CLIC6: variants seen among roughly 807,000 people sequenced by gnomAD.
The protein encoded by CLIC6 is CLIC family member 6.
In CLIC6, 39 loss-of-function variants were observed where a neutral mutation model predicts 49.2. The observed-to-expected ratio is 0.79, with a 90% CI of 0.61 to 1.04. The LOEUF (loss-of-function observed/expected upper bound fraction) is 1.04, where lower values mean the gene tolerates loss of function less well. CLIC6 is among the 50% of genes least tolerant of loss of function. The pLI, the probability that CLIC6 is intolerant of heterozygous loss-of-function variation, is 0.00. For missense variants in CLIC6, 988 were observed against 993.1 expected, an observed-to-expected ratio of 0.99 and a Z score of 0.07; for synonymous variants, 446 against 433.4, an observed-to-expected ratio of 1.03 and a Z score of -0.36.
intron 1 of CLIC6, among the ~76,000 whole-genome samples, chr21:34,688,707 A>G (rs914144494): frequency 9.2e-5 from 14 of 152,168 alleles, no homozygotes; most frequent in African/African-American, 3.1e-4. Flanking sequence ...GTGCAGGGAG[A>G]CAGCTGAGCG....
At chr21:34,685,320 T>C (rs1314812538) in intron 1 of CLIC6, among the ~76,000 whole-genome samples, 1 of 152,150 alleles carries the variant, frequency 6.6e-6, no homozygotes, top group Non-Finnish European at 1.5e-5. Context: ...TCTGATGGGG[T>C]CCTTAGGGTG....
At chr21:34,673,941 G>A (rs1421766825) in intron 1 of CLIC6, among the ~76,000 whole-genome samples, 2 of 152,128 alleles carry the variant, frequency 1.3e-5, no homozygotes, top group Non-Finnish European at 2.9e-5. Flanking sequence ...GCCTAGATGC[G>A]TCTTCATGGT....
chr21:34,698,105 G>A (rs567543640), intron 1 of CLIC6, among the ~76,000 whole-genome samples: 22 of 152,352 alleles, frequency 1.4e-4, no homozygotes, highest in African/African-American at 4.8e-4. Context: ...GGGTTTCATT[G>A]TCTCTGTAGG....
chr21:34,709,299 T>A, intron 4 of CLIC6, 58 bp from the exon 5 acceptor site: 1 of 1,491,704 alleles, frequency 6.7e-7, no homozygotes, highest in South Asian at 1.2e-5. Context: ...TCACAGCTGG[T>A]GAAAAGTGAC....
chr21:34,695,198 G>A (rs1356702770), intron 1 of CLIC6, among the ~76,000 whole-genome samples: 4 of 152,204 alleles, frequency 2.6e-5, no homozygotes, highest in Non-Finnish European at 4.4e-5. Flanking sequence ...TCTAGAGGCT[G>A]CTTGCATGTC....
At chr21:34,714,713 T>G (rs898410777) in intron 5 of CLIC6, among the ~76,000 whole-genome samples, 1 of 150,502 alleles carries the variant, frequency 6.6e-6, no homozygotes, top group Non-Finnish European at 1.5e-5. Flanking sequence ...AAAAAAAACT[T>G]GATAAATCAA....
intron 1 of CLIC6, among the ~76,000 whole-genome samples, chr21:34,705,587 C>G (rs1009579314): frequency 4.6e-5 from 7 of 152,012 alleles, no homozygotes; most frequent in Admixed American, 2.0e-4. Context: ...TTAATGCTGG[C>G]GTGGGGAGGG....
intron 5 of CLIC6, among the ~76,000 whole-genome samples, chr21:34,712,804 A>G (rs532537721): frequency 2.6e-5 from 4 of 152,344 alleles, no homozygotes; most frequent in South Asian, 4.1e-4. Flanking sequence ...GTTTCTAGCC[A>G]CAGTGGCCTT....
In CLIC6 at chr21:34,670,699, G is replaced by A; in HGVS notation, c.1311G>A (p.Glu437=). 6.3e-7 allele frequency: 1 copy of A among 1,589,482 alleles called. No individual in the cohort carries two copies. The highest frequency in any genetic ancestry group is 8.5e-7 in the Non-Finnish European group (1 of 1,171,984). Residue 437 remains glutamate, a synonymous_variant, in exon 1 of 6, where the codon GAG becomes GAA. Transcript: ENST00000349499. ...CCGCGCGCGTGAACGGCCGCCGGGA[G>A]GACGGAGAGGCGTCCGAGCCCCGGG... The part of the protein sequence containing the change: ...GEAARVNGRR[E]DGEASEPRAL...
chr21:34,707,743 A>T (rs2056025653), intron 2 of CLIC6, among the ~76,000 whole-genome samples: 1 of 152,166 alleles, frequency 6.6e-6, no homozygotes, highest in South Asian at 2.1e-4. Context: ...CCGTATTCAC[A>T]AAGGGGCACC....
chr21:34,692,802 C>A (rs982357863), intron 1 of CLIC6, among the ~76,000 whole-genome samples: 5 of 152,154 alleles, frequency 3.3e-5, no homozygotes, highest in Non-Finnish European at 5.9e-5. Context: ...CCTCCCCGGA[C>A]CCCCACCTCC....
At chr21:34,710,918 C>T (rs1184325934) in intron 5 of CLIC6, among the ~76,000 whole-genome samples, 1 of 152,240 alleles carries the variant, frequency 6.6e-6, no homozygotes, top group Non-Finnish European at 1.5e-5. Context: ...AGAGTGACCC[C>T]TGGAGCTCCA....
At chr21:34,683,064 G>A (rs867412553) in intron 1 of CLIC6, among the ~76,000 whole-genome samples, 16 of 151,688 alleles carry the variant, frequency 1.1e-4, no homozygotes, top group African/African-American at 3.9e-4. Context: ...GCCCGTCTCG[G>A]CCTCCCAAAG....
In CLIC6 at chr21:34,718,007, T is replaced by C. The variant is rs78777957; in HGVS notation, c.*1525T>C. On this transcript the variant is annotated 3_prime_UTR_variant, in exon 6 of 6. Transcript: ENST00000349499. ...TTTGTCAACCATACGTTTTTGGAGA[T>C]TGGGTCTAGCACATGTCACCCTTGT... is the stretch of plus-strand genomic sequence containing the variant. 7.2e-5 allele frequency: 11 copies of C among 152,748 alleles called. No individual in the cohort carries two copies. Among genetic ancestry groups the C allele is most frequent in the African/African-American group, 2.6e-4 (11 of 41,572 alleles). 9.5% of individuals were successfully genotyped at this position (152,748 alleles called of 1,614,324 possible).
chr21:34,684,712 A>G (rs1989843322), intron 1 of CLIC6, among the ~76,000 whole-genome samples: 1 of 152,240 alleles, frequency 6.6e-6, no homozygotes, highest in Non-Finnish European at 1.5e-5. Flanking sequence ...TTTCTACGGT[A>G]GGAGACTACA....
chr21:34,689,685 C>T (rs188318001), intron 1 of CLIC6, among the ~76,000 whole-genome samples: 1 of 151,918 alleles, frequency 6.6e-6, no homozygotes, highest in African/African-American at 2.4e-5. Context: ...GCACTAAACT[C>T]CCCAGTGCAG....
At chr21:34,690,992 C>G (rs1354588157) in intron 1 of CLIC6, among the ~76,000 whole-genome samples, 3 of 152,108 alleles carry the variant, frequency 2.0e-5, no homozygotes, top group African/African-American at 7.2e-5. Flanking sequence ...TGGGCCACGG[C>G]CTTCCTCTCG....
At chr21:34,672,252 A>G (rs1989580723) in intron 1 of CLIC6, among the ~76,000 whole-genome samples, 1 of 152,116 alleles carries the variant, frequency 6.6e-6, no homozygotes, top group African/African-American at 2.4e-5. Flanking sequence ...TTTCAGGTAA[A>G]TCCCCACTCC....
At chr21:34,682,801 A>AT (rs1172251761) in intron 1 of CLIC6, among the ~76,000 whole-genome samples, 44,209 of 69,334 alleles carry the variant, frequency 0.64, 18,456 homozygotes, top group Admixed American at 0.72. Flanking sequence ...CTTTCCCTCC[A>AT]TTTTTTTTTT....
Sources: gnomAD v4.1 joint callset for allele counts (sites outside exome capture counted in the v4.1 genomes callset) on GRCh38, gnomAD v4.1.1 for gene constraint, MANE v1.5 for transcripts, NCBI Gene and HGNC (gene_info 2026-07-23, HGNC 2026-07-21) for gene names.